IL1RAPL2: variants seen among roughly 807,000 people sequenced by gnomAD.
IL1RAPL2 encodes the protein X-linked interleukin-1 receptor accessory protein-like 2.
A neutral mutation model predicts 44.1 loss-of-function variants in IL1RAPL2; 3 were observed. The ratio of observed to expected loss-of-function variants is 0.07; its 90% CI spans 0.03 to 0.18. The LOEUF is 0.18. IL1RAPL2 is among the 10% of genes least tolerant of loss of function. The probability of loss-of-function intolerance (pLI) is 1.00; values close to 1 mark genes in which losing one functional copy is unlikely to be tolerated. For synonymous variants in IL1RAPL2, 181 were observed against 178.8 expected, an observed-to-expected ratio of 1.01 and a Z score of -0.10; for missense variants, 391 against 496.4, an observed-to-expected ratio of 0.79 and a Z score of 2.02.
chrX:105,366,633 A>G lies in IL1RAPL2; in HGVS notation c.697+99092A>G, dbSNP rs990740271. Among the ~76,000 whole-genome samples, 4 of 110,846 alleles carry G rather than the reference A, an allele frequency of 3.6e-5. No homozygotes were observed. In the East Asian group the frequency reaches 8.5e-4, roughly 24 times the overall value. ...CAGAAGTATGTTGTCTAATTTCCAC[A>G]TATGTGTGCATTTTCTAAGATTCAT... On this transcript the variant is annotated intron_variant, in intron 5 of 10. Transcript: ENST00000372582.
intron 1 of IL1RAPL2, among the ~76,000 whole-genome samples, chrX:104,600,316 G>T (rs1224451088): frequency 9.0e-6 from 1 of 111,423 alleles, no homozygotes; most frequent in East Asian, 2.8e-4. Context: ...TAACTGTACA[G>T]AACTAGAAGC....
intron 2 of IL1RAPL2, among the ~76,000 whole-genome samples, chrX:104,857,091 A>G (rs1305708208): frequency 8.9e-6 from 1 of 112,006 alleles, no homozygotes. Context: ...ATGTGTGACA[A>G]GCCACTCTTT....
chrX:104,696,068 A>G (rs972909221), intron 2 of IL1RAPL2, among the ~76,000 whole-genome samples: 3 of 111,568 alleles, frequency 2.7e-5, no homozygotes, highest in Admixed American at 9.5e-5. Flanking sequence ...TCAGCCTCCC[A>G]AAGTGCTGGG....
chrX:104,611,493 C>T (rs1350947631), intron 1 of IL1RAPL2, among the ~76,000 whole-genome samples: 1 of 110,859 alleles, frequency 9.0e-6, no homozygotes, highest in African/African-American at 3.3e-5. Context: ...GACGCCCCTC[C>T]CGTCTCCAAG....
At chrX:105,025,597 A>G (rs777815133) in intron 2 of IL1RAPL2, among the ~76,000 whole-genome samples, 1 of 111,281 alleles carries the variant, frequency 9.0e-6, no homozygotes, top group South Asian at 3.7e-4. Context: ...TTGATTTCTT[A>G]AAGCACAAAG....
rs5962280 is a variant in IL1RAPL2, at chrX:105,391,616, G to A, written c.698-92697G>A. ...TCCTCAGGGATCTAGAACTAGAAAT[G>A]CCATTTGACCCAGCAATCCCATTAC... On this transcript the variant is annotated intron_variant, in intron 5 of 10. Coordinates refer to ENST00000372582, the MANE Select transcript of IL1RAPL2 (RefSeq NM_017416.2). Among the ~76,000 whole-genome samples the A allele has an allele frequency of 1.5e-3, 144 of 99,182 alleles. 1 individual carries two copies. Among genetic ancestry groups the A allele is most frequent in the Middle Eastern group, 5.1e-3 (1 of 195 alleles). 86.1% of individuals were successfully genotyped at this position (99,182 alleles called of 115,157 possible). A position where few individuals can be genotyped will look rare whatever the true frequency, so the allele number is the denominator to read the frequency against.
At chrX:105,169,134 C>G (rs766496824) in intron 2 of IL1RAPL2, among the ~76,000 whole-genome samples, 10 of 111,807 alleles carry the variant, frequency 8.9e-5, no homozygotes, top group African/African-American at 2.9e-4. Flanking sequence ...ACCATATAAC[C>G]TTCATGCCAC....
intron 2 of IL1RAPL2, among the ~76,000 whole-genome samples, chrX:105,161,748 C>A (rs1268198715): frequency 3.6e-5 from 4 of 111,834 alleles, no homozygotes; most frequent in African/African-American, 9.8e-5. Context: ...GATTATGGAG[C>A]TTGCAACAGA....
chrX:105,268,630 G>A (rs760889090), intron 5 of IL1RAPL2, among the ~76,000 whole-genome samples: 11 of 109,855 alleles, frequency 1.0e-4, no homozygotes, highest in Non-Finnish European at 1.5e-4. Flanking sequence ...TTAGCCAGGC[G>A]TGGTGGCATG....
rs1932390854 is a variant in IL1RAPL2 at position 104,759,372 on chromosome X, C to T, written c.82+100377C>T. Among the ~76,000 whole-genome samples, 3 of 111,766 alleles carry T rather than the reference C, an allele frequency of 2.7e-5. No individual in the cohort carries two copies. The South Asian group carries it at 1.1e-3, about 42-fold the overall frequency. On this transcript the variant is annotated intron_variant, in intron 2 of 10. Coordinates refer to ENST00000372582, the MANE Select transcript of IL1RAPL2 (RefSeq NM_017416.2). ...GGTTGAAGTTAGACCTGATTCAAAT[C>T]TACTACTTGGACAATTTGGGTTAAG...
intron 2 of IL1RAPL2, among the ~76,000 whole-genome samples, chrX:104,910,681 G>A (rs1356647188): frequency 9.0e-6 from 1 of 111,441 alleles, no homozygotes; most frequent in Non-Finnish European, 1.9e-5. Context: ...TGAGGTTTTT[G>A]TTTCTCTTTT....
intron 2 of IL1RAPL2, among the ~76,000 whole-genome samples, chrX:105,023,325 G>T (rs1569363117): frequency 9.0e-6 from 1 of 111,103 alleles, no homozygotes; most frequent in African/African-American, 3.3e-5. Flanking sequence ...TTGGCCAAAG[G>T]TCTTATCAGA....
intron 6 of IL1RAPL2, among the ~76,000 whole-genome samples, chrX:105,668,018 A>G (rs1306295379): frequency 3.1e-5 from 3 of 95,240 alleles, no homozygotes; most frequent in Non-Finnish European, 4.1e-5. Flanking sequence ...GATAGTATAT[A>G]TATTTTGGGA....
At chrX:104,911,601 A>T (rs775732003) in intron 2 of IL1RAPL2, among the ~76,000 whole-genome samples, 32 of 111,004 alleles carry the variant, frequency 2.9e-4, no homozygotes, top group Non-Finnish European at 4.3e-4. Flanking sequence ...TTCACTCTCC[A>T]CTCTTGCTCT....
chrX:105,318,969 T>C (rs1195370801), intron 5 of IL1RAPL2, among the ~76,000 whole-genome samples: 1 of 112,258 alleles, frequency 8.9e-6, no homozygotes, highest in Non-Finnish European at 1.9e-5. Flanking sequence ...AGCCCAGAGA[T>C]ACATTATTTA....
chrX:105,156,587 TTTG>T (rs1430106152), intron 2 of IL1RAPL2, among the ~76,000 whole-genome samples: 2 of 112,626 alleles, frequency 1.8e-5, no homozygotes, highest in Admixed American at 9.4e-5. Flanking sequence ...AATGACAGAC[TTTG>T]TTGGTTTAAT....
chrX:105,042,841 A>G (rs1360575060), intron 2 of IL1RAPL2, among the ~76,000 whole-genome samples: 4 of 107,773 alleles, frequency 3.7e-5, no homozygotes, highest in Admixed American at 1.0e-4. Context: ...ATGTCCAACA[A>G]TGATAGAGTG....
chrX:105,460,506 C>G (rs964679687), intron 5 of IL1RAPL2, among the ~76,000 whole-genome samples: 1 of 110,288 alleles, frequency 9.1e-6, no homozygotes, highest in Non-Finnish European at 1.9e-5. Context: ...TACATTGGGT[C>G]TCTCAAATAT....
intron 4 of IL1RAPL2, among the ~76,000 whole-genome samples, chrX:105,243,549 A>G (rs555439259): frequency 1.1e-3 from 87 of 75,689 alleles, no homozygotes; most frequent in South Asian, 1.1e-3. Context: ...ATATGTGTGT[A>G]TATATATATA....
Sources: allele counts gnomAD v4.1 joint callset (sites outside exome capture counted in the v4.1 genomes callset), GRCh38; gene constraint gnomAD v4.1.1; transcripts MANE v1.5; gene names NCBI Gene and HGNC (gene_info 2026-07-23, HGNC 2026-07-21).